CUL2: variants seen among roughly 807,000 people sequenced by gnomAD.
CUL2 encodes cullin 2.
CUL2 carries 22 observed loss-of-function variants against 110.2 expected under a neutral mutation model. The ratio of observed to expected loss-of-function variants is 0.20; its 90% CI spans 0.14 to 0.28. The LOEUF is 0.28. Ranked by LOEUF, CUL2 falls within the 10% of genes least tolerant of loss-of-function variation. The pLI is 1.00. For missense variants in CUL2, 631 were observed against 905.5 expected (o/e 0.70, Z 3.89); for synonymous variants, 279 against 293.2 (o/e 0.95, Z 0.49).
chr10:35,113,498 CAAAAAAAAAAAAAA>C lies in CUL2; in HGVS notation c.-50-12452_-50-12439del, dbSNP rs59518617. The stretch of plus-strand genomic sequence containing the variant: ...GGGTGACAAGAGCAAGACTCTGCCT[CAAAAAAAAAAAAAA>C]AAAAAAAAAAAAAAAAAATTCCGCA... On this transcript the variant is annotated intron_variant, in intron 1 of 5. Coordinates refer to the CUL2 transcript ENST00000685421. 3.1e-3 allele frequency among the ~76,000 whole-genome samples: 103 copies of C among 33,318 alleles called. 1 individual carries two copies. The Middle Eastern group carries it at 0.1, about 32-fold the overall frequency. 21.9% of individuals were successfully genotyped at this position (33,318 alleles called of 152,430 possible).
intron 2 of CUL2, among the ~76,000 whole-genome samples, chr10:35,098,796 C>T (rs764882931): frequency 1.1e-4 from 17 of 151,718 alleles, no homozygotes; most frequent in Non-Finnish European, 2.2e-4. Flanking sequence ...TAGCTGGGCA[C>T]GGTGGCAGGC....
chr10:35,118,589 T>C (rs1020476430), intron 1 of CUL2: 1 of 152,264 alleles, frequency 6.6e-6, no homozygotes, highest in African/African-American at 2.4e-5. Flanking sequence ...TCTTATTGTC[T>C]GATCCATTCA....
At chr10:35,040,140 C>T (rs1201720545) in intron 8 of CUL2, among the ~76,000 whole-genome samples, 3 of 151,854 alleles carry the variant, frequency 2.0e-5, no homozygotes, top group South Asian at 2.1e-4. Context: ...GCAATAAGAG[C>T]GAGGCTCTGT....
At chr10:35,087,987 C>A (rs986026663) in intron 1 of CUL2, among the ~76,000 whole-genome samples, 2 of 152,182 alleles carry the variant, frequency 1.3e-5, no homozygotes, top group Admixed American at 6.5e-5. Context: ...TTGATAGCAC[C>A]TCAGGGTTTT....
intron 20 of CUL2, 55 bp downstream of exon 20, chr10:35,011,793 G>T: frequency 1.1e-6 from 1 of 879,640 alleles, no homozygotes; most frequent in Non-Finnish European, 1.9e-6. Context: ...GACTGAATCT[G>T]TACAATGACA....
chr10:35,089,820 A>G (rs2490660), intron 1 of CUL2: 2 of 146,970 alleles, frequency 1.4e-5, no homozygotes, highest in African/African-American at 2.7e-5. Flanking sequence ...GCCCCCCCCC[A>G]CACACACACA....
chr10:35,122,723 C>T (rs1446964313), intron 1 of CUL2, among the ~76,000 whole-genome samples: 27 of 152,144 alleles, frequency 1.8e-4, no homozygotes, highest in Non-Finnish European at 2.9e-5. Context: ...CTGCAACCTC[C>T]ACCCCCTGGG....
upstream of CUL2, among the ~76,000 whole-genome samples, chr10:35,093,042 C>T (rs981066595): frequency 6.6e-6 from 1 of 152,072 alleles, no homozygotes; most frequent in Non-Finnish European, 1.5e-5. Flanking sequence ...CACCTGGACT[C>T]GTGACTCATG....
At chr10:35,051,173 G>T (rs2086095272) in intron 5 of CUL2, among the ~76,000 whole-genome samples, 1 of 151,592 alleles carries the variant, frequency 6.6e-6, no homozygotes, top group Non-Finnish European at 1.5e-5. Flanking sequence ...AAATTAGCGG[G>T]GCGTGGTGGC....
chr10:35,058,606 T>C (rs2086303103), intron 4 of CUL2, among the ~76,000 whole-genome samples: 1 of 152,164 alleles, frequency 6.6e-6, no homozygotes, highest in Non-Finnish European at 1.5e-5. Flanking sequence ...AGAGTAATCA[T>C]TCCTTCCCTG....
chr10:35,070,596 G>C (rs1335917497), intron 2 of CUL2, among the ~76,000 whole-genome samples: 1 of 152,134 alleles, frequency 6.6e-6, no homozygotes, highest in Non-Finnish European at 1.5e-5. Context: ...AATCTGCATT[G>C]TTACATAAAA....
chr10:35,035,148 A>G (rs2244174), intron 10 of CUL2, 24 bp downstream of exon 10: 1,612,792 of 1,614,048 alleles, frequency 1, 805,776 homozygotes, highest in Middle Eastern at 1. Context: ...GGAGGAAAAC[A>G]TTGCAGTTTC....
chr10:35,111,428 T>A (rs2087522788), intron 1 of CUL2, among the ~76,000 whole-genome samples: 1 of 152,088 alleles, frequency 6.6e-6, no homozygotes, highest in African/African-American at 2.4e-5. Context: ...AGATTTTCTA[T>A]TCATTCTTTT....
chr10:35,011,648 G>C (rs2084904807), intron 20 of CUL2, among the ~76,000 whole-genome samples, 200 bp downstream of exon 20: 1 of 152,126 alleles, frequency 6.6e-6, no homozygotes, highest in African/African-American at 2.4e-5. Context: ...TTACAGGCAT[G>C]AGCCACTGTG....
chr10:35,118,114 T>A (rs2087631202), intron 1 of CUL2: 1 of 152,198 alleles, frequency 6.6e-6, no homozygotes, highest in Non-Finnish European at 1.5e-5. Context: ...TTGACAAATG[T>A]GTAATAGCAT....
chr10:35,033,252 A>T lies in CUL2; in HGVS notation c.1024T>A (p.Ser342Thr). The T allele has an allele frequency of 6.2e-7, 1 of 1,612,926 alleles. No homozygotes were observed. ...AATTTACCATGCACTTCCAAAACTG[A>T]CTCCACAAATAGTGTTGGCATCTAA... Reference protein sequence around the residue: ...QENMPTLFVESVLEVHGKFVQ... With the variant: ...QENMPTLFVETVLEVHGKFVQ... The change falls in exon 11 of 21, where the codon TCA becomes ACA. Residue 342 changes from serine to threonine, a missense_variant. By Grantham distance (58) the Ser-to-Thr change is moderately conservative. This residue lies in a region of CUL2 where 338 missense variants were observed against 442.5 expected (regional missense o/e 0.76). Transcript: ENST00000374749.
rs562472471 is a variant in CUL2, at chr10:35,018,719, C to T, written c.1685-2325G>A. On this transcript the variant is annotated intron_variant, in intron 17 of 20. Transcript: ENST00000374749. ...TGGAGGTTGCTGTGAGCCGAGATCGCGCCATTGCACTCCAGCCTGGGTAAC... is the reference window on the plus strand; with the variant it reads ...TGGAGGTTGCTGTGAGCCGAGATCGTGCCATTGCACTCCAGCCTGGGTAAC... 6.2e-5 allele frequency among the ~76,000 whole-genome samples: 9 copies of T among 146,238 alleles called. No individual in the cohort carries two copies. In the South Asian group the frequency reaches 8.6e-4, roughly 14 times the overall value.
Position 35,062,997 on chromosome 10 carries a change from T to C in CUL2, c.185A>G (p.Lys62Arg). The C allele has an allele frequency of 6.2e-7, 1 of 1,611,108 alleles. No homozygotes were observed. The highest frequency in any genetic ancestry group is 8.5e-7 in the Non-Finnish European group (1 of 1,177,408). The change falls in exon 3 of 21, where the codon AAG (lysine) becomes AGG (arginine). Residue 62 changes from lysine to arginine, a missense_variant. Physicochemically the swap from Lys to Arg is conservative, Grantham distance 26 (BLOSUM62 2). Coordinates refer to ENST00000374749, the MANE Select transcript of CUL2 (RefSeq NM_003591.4). Reference protein sequence around the residue: ...PLGERLYTETKIFLENHVRHL... With the variant: ...PLGERLYTETRIFLENHVRHL... ...CCGAACATGATTTTCCAAAAAAATC[T>C]TAGTTTCTGTATAAAGTCTTTCTCC...
At chr10:35,114,835 C>T (rs1304733321) in intron 1 of CUL2, among the ~76,000 whole-genome samples, 3 of 147,818 alleles carry the variant, frequency 2.0e-5, no homozygotes, top group Non-Finnish European at 1.5e-5. Flanking sequence ...ATAAAAAATA[C>T]ATTGGATGGA....
Sources: allele counts gnomAD v4.1 joint callset (sites outside exome capture counted in the v4.1 genomes callset), GRCh38; gene constraint gnomAD v4.1.1; regional missense constraint gnomAD v4.1.1; transcripts MANE v1.5; gene names NCBI Gene and HGNC (gene_info 2026-07-23, HGNC 2026-07-21).